Variants in GSK3B observed in about 807,000 individuals in gnomAD.
GSK3B encodes glycogen synthase kinase 3 beta.
A neutral mutation model predicts 56.4 loss-of-function variants in GSK3B; 15 were observed. The observed-to-expected ratio is 0.27, with a 90% CI of 0.18 to 0.41. The LOEUF is 0.41. Among genes scored for constraint, GSK3B ranks in the 10% least tolerant of loss-of-function variants. GSK3B has a pLI of 1.00. For missense variants in GSK3B, 300 were observed against 513.4 expected (o/e 0.58, Z 4.02); for synonymous variants, 181 against 188.9 (o/e 0.96, Z 0.34).
chr3:119,884,288 G>A (rs1416022900), intron 7 of GSK3B, among the ~76,000 whole-genome samples: 1 of 152,126 alleles, frequency 6.6e-6, no homozygotes, highest in African/African-American at 2.4e-5. Flanking sequence ...GGCCACTAAG[G>A]TTTCCTTTCT....
intron 1 of GSK3B, among the ~76,000 whole-genome samples, chr3:120,087,230 A>G (rs1284567493): frequency 6.6e-6 from 1 of 152,152 alleles, no homozygotes; most frequent in Non-Finnish European, 1.5e-5. Flanking sequence ...GGAAAACTAA[A>G]TTAGAAACAC....
At chr3:120,014,682 C>T (rs1000777162) in intron 1 of GSK3B, among the ~76,000 whole-genome samples, 1 of 152,094 alleles carries the variant, frequency 6.6e-6, no homozygotes. Flanking sequence ...TACCATTCAT[C>T]TTCACATGAT....
intron 8 of GSK3B, chr3:119,866,652 T>G (rs765246281): frequency 2.6e-6 from 4 of 1,547,372 alleles, no homozygotes; most frequent in Non-Finnish European, 3.6e-6. Context: ...TGCAGTGAAA[T>G]AATCCAAACA....
At chr3:120,040,332 T>C (rs961358030) in intron 1 of GSK3B, among the ~76,000 whole-genome samples, 6 of 152,150 alleles carry the variant, frequency 3.9e-5, no homozygotes, top group Admixed American at 3.3e-4. Context: ...CAGGAGTTTA[T>C]ACTGACCCGC....
rs72546692 is a variant in GSK3B, at chr3:120,002,257, ATTTT to A, written c.89-22_89-19del. On this transcript the variant is annotated intron_variant, in intron 1 of 10. Coordinates refer to ENST00000264235, the MANE Select transcript of GSK3B (RefSeq NM_001146156.2). ...CTTGTCTCCTAAAGGAAGAAAGGAA[ATTTT>A]TTTTTCACGAGAACTGTAAGGAATT... 3.4e-6 allele frequency: 5 copies of A among 1,477,098 alleles called. No individual in the cohort carries two copies. Among genetic ancestry groups the A allele is most frequent in the Non-Finnish European group, 3.6e-6 (4 of 1,109,468 alleles). 91.5% of individuals were successfully genotyped at this position (1,477,098 alleles called of 1,614,324 possible).
intron 8 of GSK3B, among the ~76,000 whole-genome samples, chr3:119,864,682 G>GT (rs1328899853): frequency 2.4e-4 from 36 of 152,346 alleles, no homozygotes; most frequent in African/African-American, 7.2e-4. Flanking sequence ...AGGTTTCCTC[G>GT]TAAGAATGGC....
At chr3:119,858,864 T>C (rs2056059100) in intron 9 of GSK3B, among the ~76,000 whole-genome samples, 1 of 152,126 alleles carries the variant, frequency 6.6e-6, no homozygotes, top group African/African-American at 2.4e-5. Context: ...TCTCAGGGAA[T>C]AGGAAGATCC....
chr3:119,971,306 G>C (rs2057364219), intron 2 of GSK3B, among the ~76,000 whole-genome samples: 1 of 152,084 alleles, frequency 6.6e-6, no homozygotes, highest in African/African-American at 2.4e-5. Flanking sequence ...CACAAAACTA[G>C]AATTTTTAAA....
chr3:120,006,194 C>T (rs1250998365), intron 1 of GSK3B, among the ~76,000 whole-genome samples: 14 of 152,162 alleles, frequency 9.2e-5, no homozygotes, highest in Admixed American at 7.9e-4. Context: ...GTAAAGTGAT[C>T]AATTCAACAA....
intron 1 of GSK3B, among the ~76,000 whole-genome samples, chr3:120,024,148 T>C (rs894906113): frequency 6.8e-6 from 1 of 146,756 alleles, no homozygotes; most frequent in African/African-American, 2.5e-5. Context: ...CTGGGCAATA[T>C]AGTGAGATAC....
At chr3:119,865,705 A>C (rs1577325169) in intron 8 of GSK3B, among the ~76,000 whole-genome samples, 1 of 151,214 alleles carries the variant, frequency 6.6e-6, no homozygotes, top group Non-Finnish European at 1.5e-5. Context: ...TCCTGACCTC[A>C]TGATCCGCCC....
chr3:119,885,931 C>G (rs1364171994), intron 7 of GSK3B, among the ~76,000 whole-genome samples: 2 of 152,138 alleles, frequency 1.3e-5, no homozygotes, highest in African/African-American at 4.8e-5. Flanking sequence ...TATAAGACCT[C>G]AAACTATAAA....
At chr3:119,944,499 A>G (rs900799330) in intron 3 of GSK3B, among the ~76,000 whole-genome samples, 2 of 152,174 alleles carry the variant, frequency 1.3e-5, no homozygotes, top group African/African-American at 4.8e-5. Context: ...AGTTCTTTCA[A>G]ATGAAGACTG....
At chr3:119,924,789 C>T (rs1445794269) in intron 3 of GSK3B, among the ~76,000 whole-genome samples, 1 of 152,162 alleles carries the variant, frequency 6.6e-6, no homozygotes, top group Non-Finnish European at 1.5e-5. Context: ...TGGAACAGAG[C>T]TATGCCTATT....
chr3:119,874,727 A>C (rs917990823), intron 8 of GSK3B, among the ~76,000 whole-genome samples: 1 of 152,082 alleles, frequency 6.6e-6, no homozygotes. Context: ...AAAGTTTGAA[A>C]AGGTAGAACA....
intron 6 of GSK3B, among the ~76,000 whole-genome samples, chr3:119,911,282 C>T (rs925788940): frequency 2.0e-5 from 3 of 152,156 alleles, no homozygotes; most frequent in Non-Finnish European, 2.9e-5. Context: ...AGTAGTAGGT[C>T]TCAGCAGTGG....
intron 1 of GSK3B, among the ~76,000 whole-genome samples, chr3:120,080,328 CGAAGGAA>C (rs150111729): frequency 0.027 from 3,957 of 148,710 alleles, 172 homozygotes; most frequent in African/African-American, 0.091. Flanking sequence ...AGAAGGAAGA[CGAAGGAA>C]GAAGGAAGAA....
chr3:120,075,437 C>T (rs58959678), intron 1 of GSK3B, among the ~76,000 whole-genome samples: 9,680 of 152,054 alleles, frequency 0.064, 438 homozygotes, highest in East Asian at 0.14. Context: ...TTAACCAAAT[C>T]AGAAAATTAT....
chr3:120,076,717 G>A (rs1559903051), intron 1 of GSK3B, among the ~76,000 whole-genome samples: 3 of 150,196 alleles, frequency 2.0e-5, no homozygotes, highest in Admixed American at 6.7e-5. Flanking sequence ...GGGAGGCTGA[G>A]GCAGGAGAAT....
Sources: allele counts gnomAD v4.1 joint callset (sites outside exome capture counted in the v4.1 genomes callset), GRCh38; gene constraint gnomAD v4.1.1; transcripts MANE v1.5; gene names NCBI Gene and HGNC (gene_info 2026-07-23, HGNC 2026-07-21).